Variants in KNG1 observed in about 807,000 individuals in gnomAD.
KNG1 encodes kininogen-1.
In KNG1, 23 loss-of-function variants were observed where a neutral mutation model predicts 47.8. The observed-to-expected ratio is 0.48, with a 90% CI of 0.35 to 0.68. KNG1 has a LOEUF of 0.68. Ranked by LOEUF, KNG1 falls within the 30% of genes least tolerant of loss-of-function variation. The pLI is 0.01. For synonymous variants in KNG1, 277 were observed against 277.0 expected, an observed-to-expected ratio of 1.00 and a Z score of 0.00; for missense variants, 762 against 790.2, an observed-to-expected ratio of 0.96 and a Z score of 0.43.
chr3:186,739,202 T>G lies in KNG1; in HGVS notation c.1034T>G (p.Leu345Arg). 1 of 1,612,934 alleles carries G rather than the reference T, an allele frequency of 6.2e-7. No individual in the cohort carries two copies. Among genetic ancestry groups the G allele is most frequent in the Non-Finnish European group, 8.5e-7 (1 of 1,178,884 alleles). The part of the protein sequence containing the change: ...ELTESCETKK[L>R]GQSLDCNAEV... ...ACCGAAAGCTGTGAGACCAAAAAAC[T>G]TGGCGTGAGTAGTCATGCACCTGTC... Residue 345 changes from leucine to arginine, a missense_variant, in exon 8 of 10, where the codon CTT (leucine) becomes CGT (arginine). Coordinates refer to ENST00000644859, the MANE Select transcript of KNG1 (RefSeq NM_001102416.3).
At position 186,725,276 on chromosome 3, in the gene KNG1, C is replaced by A; in HGVS notation, c.564+16C>A. 1 of 1,608,516 alleles carries A rather than the reference C, an allele frequency of 6.2e-7. No individual in the cohort carries two copies. The highest frequency in any genetic ancestry group is 8.5e-7 in the Non-Finnish European group (1 of 1,174,996). Reference sequence around the variant, plus strand: ...CCAAAGACAGGTTTGTTCTTTAATTCTCTAAGTAGCACAGTATTACTAAAA... The same window carrying A: ...CCAAAGACAGGTTTGTTCTTTAATTATCTAAGTAGCACAGTATTACTAAAA... On this transcript the variant is annotated intron_variant, in intron 4 of 9. Transcript: ENST00000644859.
chr3:186,731,545 G>C lies in KNG1; in HGVS notation c.673G>C (p.Asp225His). Reference protein sequence around the residue: ...TPDCKSLWNGDTGECTDNAYI... With the variant: ...TPDCKSLWNGHTGECTDNAYI... ...CACTTATATGCTTTTTAAAAACCAG[G>C]ATACCGGTGAATGTACAGATAATGC... The change falls in exon 6 of 10, where the codon GAT becomes CAT. Residue 225 changes from aspartate to histidine, a missense_variant and splice_region_variant. Transcript: ENST00000644859. 1 of 1,601,346 alleles carries C rather than the reference G, an allele frequency of 6.2e-7. No individual in the cohort carries two copies. The highest frequency in any genetic ancestry group is 1.1e-5 in the South Asian group (1 of 90,802).
Position 186,725,114 on chromosome 3 carries a change from T to TACG in KNG1, c.421_423dup (p.Asp141dup). ...CGAGGGCCCTGTGGTGACAGCCCAGTACGACTGCCTCGGCTGTGTGCATCC... is the reference window on the plus strand; with the variant it reads ...CGAGGGCCCTGTGGTGACAGCCCAGTACGACGACTGCCTCGGCTGTGTGCATCC... On this transcript the variant is annotated inframe_insertion, in exon 4 of 10. Coordinates refer to ENST00000644859, the MANE Select transcript of KNG1 (RefSeq NM_001102416.3). 1 of 1,614,146 alleles carries TACG rather than the reference T, an allele frequency of 6.2e-7. No homozygotes were observed. Among genetic ancestry groups the TACG allele is most frequent in the Non-Finnish European group, 8.5e-7 (1 of 1,180,016 alleles).
chr3:186,719,591 T>C (rs1205155573), intron 1 of KNG1, among the ~76,000 whole-genome samples: 1 of 151,856 alleles, frequency 6.6e-6, no homozygotes, highest in Non-Finnish European at 1.5e-5. Flanking sequence ...TAGCCAGGCG[T>C]GGTGGAGGGC....
chr3:186,728,554 A>G (rs1444087087), intron 5 of KNG1: 1 of 152,242 alleles, frequency 6.6e-6, no homozygotes, highest in Non-Finnish European at 1.5e-5. Context: ...ATACATACGG[A>G]TTTATTTAAA....
At chr3:186,726,276 T>TC (rs1720369364) in intron 4 of KNG1, among the ~76,000 whole-genome samples, 1 of 47,228 alleles carries the variant, frequency 2.1e-5, no homozygotes, top group African/African-American at 6.2e-5. Context: ...CTTTTCTTCT[T>TC]TTTTTTTTTT....
intron 7 of KNG1, among the ~76,000 whole-genome samples, chr3:186,733,565 C>G (rs979906728): frequency 3.9e-5 from 6 of 152,164 alleles, no homozygotes; most frequent in Non-Finnish European, 8.8e-5. Context: ...AGTCAGGAGA[C>G]TCAGTTCCAC....
chr3:186,742,933 A>G lies in KNG1; in HGVS notation c.*602A>G. The G allele has an allele frequency of 1.0e-6, 1 of 984,082 alleles. No individual in the cohort carries two copies. Among genetic ancestry groups the G allele is most frequent in the Non-Finnish European group, 1.2e-6 (1 of 828,732 alleles). The allele number at this position is 984,082 out of a possible 1,614,324, so 61.0% of individuals were successfully genotyped here. A position where few individuals can be genotyped will look rare whatever the true frequency, so the allele number is the denominator to read the frequency against. Reference sequence around the variant, plus strand: ...ATAATAAGAAAAACTTCCAGATTTCAAAGTAACAAGAAAGAAGACAGGTTG... The same window carrying G: ...ATAATAAGAAAAACTTCCAGATTTCGAAGTAACAAGAAAGAAGACAGGTTG... On this transcript the variant is annotated 3_prime_UTR_variant, in exon 10 of 10. Transcript: ENST00000644859.
chr3:186,720,490 AC>A, intron 2 of KNG1: 1 of 416,302 alleles, frequency 2.4e-6, no homozygotes, highest in Non-Finnish European at 4.4e-6. Flanking sequence ...CAGAGAGATA[AC>A]AAATTGACAT....
In KNG1 at chr3:186,742,245, C is replaced by T. The variant is rs201737072; in HGVS notation, c.1849C>T (p.Arg617Cys). ...PDTTSPKCPG[R>C]PWKSVSEINP... is the part of the protein sequence containing the mutation. Reference sequence around the variant, plus strand: ...CACGACCTCCCCAAAATGTCCTGGACGCCCCTGGAAGTCAGTTAGTGAAAT... The same window carrying T: ...CACGACCTCCCCAAAATGTCCTGGATGCCCCTGGAAGTCAGTTAGTGAAAT... Residue 617 changes from arginine to cysteine, a missense_variant, in exon 10 of 10, where the codon CGC becomes TGC. Coordinates refer to ENST00000644859, the MANE Select transcript of KNG1 (RefSeq NM_001102416.3). 8.7e-5 allele frequency: 140 copies of T among 1,614,186 alleles called. 1 individual carries two copies. Among genetic ancestry groups the T allele is most frequent in the Non-Finnish European group, 1.1e-4 (126 of 1,180,034 alleles).
At position 186,742,010 on chromosome 3, in the gene KNG1, A is replaced by G. The variant is rs1377650284; in HGVS notation, c.1614A>G (p.Thr538=). 6.2e-7 allele frequency: 1 copy of G among 1,614,218 alleles called. No homozygotes were observed. The highest frequency in any genetic ancestry group is 1.1e-5 in the South Asian group (1 of 91,082). Residue 538 remains threonine, a synonymous_variant, in exon 10 of 10, where the codon ACA becomes ACG. Coordinates refer to ENST00000644859, the MANE Select transcript of KNG1 (RefSeq NM_001102416.3). Reference sequence around the variant, plus strand: ...ACAGTACTACACCTTCTGCACAGACACAAGAGAAGACAGAAGGGCCAACAC... The same window carrying G: ...ACAGTACTACACCTTCTGCACAGACGCAAGAGAAGACAGAAGGGCCAACAC... ...SEDSTTPSAQ[T]QEKTEGPTPI... is the part of the protein sequence containing the mutation.
intron 1 of KNG1, 123 bp downstream of exon 1, chr3:186,717,860 CCATCACCCACCACCACCACCACAA>C (rs1720034167): frequency 1.4e-5 from 9 of 646,098 alleles, no homozygotes; most frequent in African/African-American, 4.6e-5. Context: ...CCACCCACCA[CCATCACCCACCACCACCACCACAA>C]CCACCACCAC....
rs1251777546 is a variant in KNG1 at position 186,732,549 on chromosome 3, A to G, written c.805A>G (p.Arg269Gly). Residue 269 changes from arginine to glycine, a missense_variant, in exon 7 of 10, where the codon AGA becomes GGA. By Grantham distance (125) the Arg-to-Gly change is moderately radical. Coordinates refer to ENST00000644859, the MANE Select transcript of KNG1 (RefSeq NM_001102416.3). ...PPTKICVGCP[R>G]DIPTNSPELE... ...TACCAAGATTTGCGTGGGCTGCCCC[A>G]GAGATATACCCACCAACAGCCCAGA... 1 of 1,614,096 alleles carries G rather than the reference A, an allele frequency of 6.2e-7. No individual in the cohort carries two copies. Among genetic ancestry groups the G allele is most frequent in the African/African-American group, 1.3e-5 (1 of 74,922 alleles).
intron 7 of KNG1, 112 bp from the exon 8 acceptor site, chr3:186,738,987 C>T (rs1720735982): frequency 1.1e-6 from 1 of 873,226 alleles, no homozygotes; most frequent in Admixed American, 2.1e-5. Flanking sequence ...GTATGTAACT[C>T]TCTAAGTTGG....
chr3:186,743,679 T>TAG lies in KNG1; in HGVS notation c.*1348_*1349insAG. On this transcript the variant is annotated 3_prime_UTR_variant, in exon 10 of 10. Transcript: ENST00000644859. ...AAAATGATTGAATGATAACATCATA[T>TAG]TAACTGCGTTTTACTATACTTACAG... 1 of 1,562,584 alleles carries TAG rather than the reference T, an allele frequency of 6.4e-7. No homozygotes were observed. The highest frequency in any genetic ancestry group is 2.2e-5 in the East Asian group (1 of 44,638).
intron 4 of KNG1, among the ~76,000 whole-genome samples, 190 bp from the exon 5 acceptor site, chr3:186,727,047 T>TGTGA (rs770978882): frequency 0.015 from 2,290 of 151,856 alleles, 53 homozygotes; most frequent in African/African-American, 0.05. Flanking sequence ...TGTGTTTGTG[T>TGTGA]GAGAGATATG....
intron 5 of KNG1, among the ~76,000 whole-genome samples, chr3:186,727,677 T>C (rs1292565018): frequency 6.6e-6 from 1 of 152,144 alleles, no homozygotes; most frequent in Non-Finnish European, 1.5e-5. Context: ...GTTCAAGCTA[T>C]TCTCCTGCCT....
At chr3:186,729,246 A>C (rs1423363147) in intron 5 of KNG1, among the ~76,000 whole-genome samples, 1 of 152,238 alleles carries the variant, frequency 6.6e-6, no homozygotes, top group Non-Finnish European at 1.5e-5. Flanking sequence ...TGCTGCAGCC[A>C]TTATAGAAAA....
intron 3 of KNG1, 130 bp downstream of exon 3, chr3:186,722,651 G>C: frequency 1.3e-6 from 1 of 767,642 alleles, no homozygotes. Flanking sequence ...CAGAGTTAGG[G>C]AGCATTGGGT....
Sources: gnomAD v4.1 joint callset for allele counts (sites outside exome capture counted in the v4.1 genomes callset) on GRCh38, gnomAD v4.1.1 for gene constraint, MANE v1.5 for transcripts, NCBI Gene and HGNC (gene_info 2026-07-23, HGNC 2026-07-21) for gene names.